PCYT1A: variants seen among roughly 807,000 people sequenced by gnomAD.
PCYT1A encodes choline-phosphate cytidylyltransferase A.
In PCYT1A, 25 loss-of-function variants were observed where a neutral mutation model predicts 43.7. The ratio of observed to expected loss-of-function variants is 0.57; its 90% CI spans 0.42 to 0.80. The LOEUF (loss-of-function observed/expected upper bound fraction) is 0.80, where lower values mean the gene tolerates loss of function less well. Ranked by LOEUF, PCYT1A falls within the 30% of genes least tolerant of loss-of-function variation. PCYT1A has a pLI of 0.00. For synonymous variants in PCYT1A, 172 were observed against 170.7 expected (o/e 1.01, Z -0.06); for missense variants, 421 against 474.2 (o/e 0.89, Z 1.04).
rs870339 is a variant in PCYT1A, at chr3:196,235,373, G to T, written c.*3315C>A. 0.37 allele frequency: 55,824 copies of T among 152,068 alleles called. 11,034 individuals carry two copies. The highest frequency in any genetic ancestry group is 0.81 in the East Asian group (4,203 of 5,178). The allele number at this position is 152,068 out of a possible 1,614,324, so 9.4% of individuals were successfully genotyped here. On this transcript the variant is annotated 3_prime_UTR_variant, in exon 9 of 9. Transcript: ENST00000431016. This position sits in a 1 kb window ranked among gnomAD's most constrained non-coding sequence, Gnocchi z 4.3. ...AGGAGTCATCAGTGATCAGAAAGTG[G>T]CTAAGTTTCCTTAGCCTCCCTCATA...
At chr3:196,241,539 C>T (rs1232338343) in intron 7 of PCYT1A, 5 of 1,292,606 alleles carry the variant, frequency 3.9e-6, no homozygotes, top group Non-Finnish European at 5.0e-6. Flanking sequence ...TTCGTCAATC[C>T]AAATTTAAAA....
At chr3:196,239,462 T>C in intron 8 of PCYT1A, 85 bp downstream of exon 8, 2 of 822,574 alleles carry the variant, frequency 2.4e-6, no homozygotes, top group Non-Finnish European at 4.0e-6. Flanking sequence ...AACTTCTCAG[T>C]GTCGATGCCC....
chr3:196,272,781 T>C (rs1725472839), intron 1 of PCYT1A, among the ~76,000 whole-genome samples: 1 of 152,248 alleles, frequency 6.6e-6, no homozygotes, highest in Non-Finnish European at 1.5e-5. Context: ...TTCTAGCAAC[T>C]AGCTATTACA....
rs1724172628 is a variant in PCYT1A at position 196,236,626 on chromosome 3, T to C, written c.*2062A>G. On this transcript the variant is annotated 3_prime_UTR_variant, in exon 9 of 9. Coordinates refer to ENST00000431016, the MANE Select transcript of PCYT1A (RefSeq NM_001312673.2). ...TCTGGGTGATCCAAGTTTTGTTTTT[T>C]TTCTAGTTGATTATTTCTCTTTATT... 6.6e-6 allele frequency: 1 copy of C among 152,054 alleles called. No individual in the cohort carries two copies. The allele number at this position is 152,054 out of a possible 1,614,324, so 9.4% of individuals were successfully genotyped here. A position where few individuals can be genotyped will look rare whatever the true frequency, so the allele number is the denominator to read the frequency against.
In PCYT1A at chr3:196,282,107, T is replaced by C. The variant is rs374925418; in HGVS notation, c.-11+5508A>G. ...CCTATAAACTGTCACATTTAAGACCTTAGCTTTGAACTGGATCTCTTCCCT... is the reference window on the plus strand; with the variant it reads ...CCTATAAACTGTCACATTTAAGACCCTAGCTTTGAACTGGATCTCTTCCCT... On this transcript the variant is annotated intron_variant, in intron 1 of 8. Coordinates refer to ENST00000431016, the MANE Select transcript of PCYT1A (RefSeq NM_001312673.2). The surrounding 1 kb of genome is among the most constrained non-coding windows in gnomAD (Gnocchi z 4.3). Among the ~76,000 whole-genome samples the C allele has an allele frequency of 3.9e-5, 6 of 152,370 alleles. No individual in the cohort carries two copies. The East Asian group carries it at 5.8e-4, about 15-fold the overall frequency.
chr3:196,270,631 T>A, intron 1 of PCYT1A, 90 bp from the exon 2 acceptor site: 1 of 839,704 alleles, frequency 1.2e-6, no homozygotes, highest in Non-Finnish European at 2.1e-6. Flanking sequence ...GTGGATACAC[T>A]CAGCAAAATA....
rs78187564 is a variant in PCYT1A at position 196,252,532 on chromosome 3, T to C, written c.218-4209A>G. Among the ~76,000 whole-genome samples the C allele has an allele frequency of 5.8e-3, 876 of 152,332 alleles. 6 individuals carry two copies. Among genetic ancestry groups the C allele is most frequent in the African/African-American group, 0.02 (820 of 41,574 alleles). The stretch of plus-strand genomic sequence containing the variant: ...CTGGGATTACGGGCGTGAGCCACCA[T>C]GCCCAGCCCAGGCTGGTTGTATTGA... On this transcript the variant is annotated intron_variant, in intron 3 of 8. Coordinates refer to ENST00000431016, the MANE Select transcript of PCYT1A (RefSeq NM_001312673.2). This position sits in a 1 kb window ranked among gnomAD's most constrained non-coding sequence, Gnocchi z 4.0.
chr3:196,247,367 C>T lies in PCYT1A; in HGVS notation c.486G>A (p.Arg162=), dbSNP rs372728478. The T allele has an allele frequency of 6.5e-5, 105 of 1,613,760 alleles. No individual in the cohort carries two copies. Among genetic ancestry groups the T allele is most frequent in the Non-Finnish European group, 8.6e-5 (101 of 1,180,016 alleles). Residue 162 remains arginine (R), a splice_region_variant and synonymous_variant, in exon 5 of 9, where the codon CGG becomes CGA. Coordinates refer to ENST00000431016, the MANE Select transcript of PCYT1A (RefSeq NM_001312673.2). The surrounding 1 kb of genome is among the most constrained non-coding windows in gnomAD (Gnocchi z 4.8). ...TGGGAATATGTGTCCAGTTTCTTACCCGGTGTTCGGCCAGGAACTCGGGTG... is the reference window on the plus strand; with the variant it reads ...TGGGAATATGTGTCCAGTTTCTTACTCGGTGTTCGGCCAGGAACTCGGGTG... ...TLTPEFLAEH[R]IDFVAHDDIP...
intron 1 of PCYT1A, among the ~76,000 whole-genome samples, chr3:196,280,972 T>G (rs1218004610): frequency 2.0e-5 from 3 of 152,204 alleles, no homozygotes; most frequent in African/African-American, 4.8e-5. Flanking sequence ...AACTCAAACT[T>G]GACCAATTAC....
At chr3:196,245,950 CA>C (rs113177220) in intron 5 of PCYT1A, among the ~76,000 whole-genome samples, 46,926 of 106,162 alleles carry the variant, frequency 0.44, 7,978 homozygotes, top group East Asian at 0.78. Context: ...AACTCTGTCT[CA>C]AAAAAAAAAA....
intron 2 of PCYT1A, among the ~76,000 whole-genome samples, chr3:196,259,201 C>G (rs1725034980): frequency 6.6e-6 from 1 of 152,102 alleles, no homozygotes; most frequent in African/African-American, 2.4e-5. Flanking sequence ...AACTTTGGGC[C>G]TGGACCTGTC....
At position 196,282,579 on chromosome 3, in the gene PCYT1A, A is replaced by G. The variant is rs950568326; in HGVS notation, c.-11+5036T>C. 2.0e-5 allele frequency among the ~76,000 whole-genome samples: 3 copies of G among 152,236 alleles called. No homozygotes were observed. In the South Asian group the frequency reaches 6.2e-4, roughly 32 times the overall value. ...ATCATGGATATTTTCATACCATATC[A>G]TACTTCTTAAATTTTGATAACTATA... On this transcript the variant is annotated intron_variant, in intron 1 of 8. Coordinates refer to ENST00000431016, the MANE Select transcript of PCYT1A (RefSeq NM_001312673.2). The surrounding 1 kb of genome is among the most constrained non-coding windows in gnomAD (Gnocchi z 4.3).
intron 1 of PCYT1A, among the ~76,000 whole-genome samples, chr3:196,271,628 C>T (rs573234406): frequency 7.9e-5 from 11 of 139,040 alleles, no homozygotes; most frequent in Admixed American, 7.4e-5. Flanking sequence ...GAGAAAGAGT[C>T]TCACTGTGTC....
intron 2 of PCYT1A, among the ~76,000 whole-genome samples, chr3:196,261,958 G>A (rs535905447): frequency 4.5e-4 from 69 of 152,216 alleles, no homozygotes; most frequent in Non-Finnish European, 8.1e-4. Flanking sequence ...GAAACCTAAC[G>A]TTGTGCAGCT....
chr3:196,253,020 T>C (rs2108769552), intron 3 of PCYT1A, among the ~76,000 whole-genome samples: 1 of 152,292 alleles, frequency 6.6e-6, no homozygotes, highest in South Asian at 2.1e-4. Context: ...ATTGGCTCTA[T>C]GCCTATTAAA....
At chr3:196,241,830 A>C (rs754426519) in intron 7 of PCYT1A, 118 bp downstream of exon 7, 9 of 1,290,962 alleles carry the variant, frequency 7.0e-6, no homozygotes, top group Non-Finnish European at 1.0e-5. Context: ...TAATTCATTC[A>C]CTGAACTTTT....
At chr3:196,279,286 C>CAAA (rs532624855) in intron 1 of PCYT1A, among the ~76,000 whole-genome samples, 4 of 108,570 alleles carry the variant, frequency 3.7e-5, no homozygotes, top group Non-Finnish European at 3.8e-5. Flanking sequence ...GAAACTCTAT[C>CAAA]AAAAAAAAAA....
chr3:196,240,723 T>C (rs971065971), intron 7 of PCYT1A: 9 of 151,808 alleles, frequency 5.9e-5, no homozygotes, highest in Admixed American at 3.3e-4. Flanking sequence ...TCTCAAAATT[T>C]CCAGATCATA....
intron 2 of PCYT1A, among the ~76,000 whole-genome samples, chr3:196,269,611 G>A (rs538446432): frequency 6.6e-6 from 1 of 152,246 alleles, no homozygotes; most frequent in African/African-American, 2.4e-5. Flanking sequence ...GGGATAGGCA[G>A]TGTGGAATGG....
Sources: allele counts gnomAD v4.1 joint callset (sites outside exome capture counted in the v4.1 genomes callset), GRCh38; gene constraint gnomAD v4.1.1; non-coding constraint Gnocchi (gnomAD v3.1); transcripts MANE v1.5; gene names NCBI Gene and HGNC (gene_info 2026-07-23, HGNC 2026-07-21).